The following TYW1B variants were observed in gnomAD, a reference collection of about 807,000 sequenced individuals.
The protein encoded by TYW1B is S-adenosyl-L-methionine-dependent tRNA 4-demethylwyosine synthase TYW1B.
TYW1B carries 73 observed loss-of-function variants against 86.9 expected under a neutral mutation model. The ratio of observed to expected loss-of-function variants is 0.84; its 90% CI spans 0.70 to 1.02. The LOEUF is 1.02. Ranked by LOEUF, TYW1B falls within the 50% of genes least tolerant of loss-of-function variation. TYW1B has a pLI of 0.00. For synonymous variants in TYW1B, 248 were observed against 292.8 expected, an observed-to-expected ratio of 0.85 and a Z score of 1.56; for missense variants, 637 against 827.4, an observed-to-expected ratio of 0.77 and a Z score of 2.82.
At chr7:72,668,165 C>G (rs1337810596) in intron 11 of TYW1B, among the ~76,000 whole-genome samples, 1 of 152,150 alleles carries the variant, frequency 6.6e-6, no homozygotes, top group Non-Finnish European at 1.5e-5. Context: ...AGATAAAATA[C>G]AAATTGTTTT....
intron 13 of TYW1B, among the ~76,000 whole-genome samples, chr7:72,611,253 C>G (rs1240655529): frequency 6.6e-6 from 1 of 152,140 alleles, no homozygotes; most frequent in African/African-American, 2.4e-5. Flanking sequence ...GATTACACTT[C>G]TCAGCACTTT....
In TYW1B at chr7:72,817,636, T is replaced by C. The variant is rs115255586; in HGVS notation, c.136-2155A>G. Among the ~76,000 whole-genome samples, 631 of 152,016 alleles carry C rather than the reference T, an allele frequency of 4.2e-3. 5 individuals carry two copies. Among genetic ancestry groups the C allele is most frequent in the African/African-American group, 0.015 (603 of 41,442 alleles). On this transcript the variant is annotated intron_variant, in intron 2 of 13. Coordinates refer to ENST00000620995, the MANE Select transcript of TYW1B (RefSeq NM_001145440.3). ...AGGAGTTGTCCAGGTTCTTCACATG[T>C]TGAACAAAGAATTGAAAAAAATGCA...
chr7:72,762,863 T>C (rs1175597955), intron 7 of TYW1B, among the ~76,000 whole-genome samples: 1 of 152,158 alleles, frequency 6.6e-6, no homozygotes, highest in African/African-American at 2.4e-5. Context: ...TTTCACCATG[T>C]CGGCCAGGCT....
chr7:72,708,868 T>C (rs1814675577), intron 10 of TYW1B, among the ~76,000 whole-genome samples: 1 of 152,152 alleles, frequency 6.6e-6, no homozygotes, highest in Non-Finnish European at 1.5e-5. Flanking sequence ...TAGCCCAGAG[T>C]GTTTGAAACT....
chr7:72,575,991 C>T (rs1261669093), intron 13 of TYW1B, among the ~76,000 whole-genome samples: 1 of 152,168 alleles, frequency 6.6e-6, no homozygotes, highest in East Asian at 1.9e-4. Flanking sequence ...CAAGCAGTCC[C>T]GCTGACACAG....
intron 7 of TYW1B, among the ~76,000 whole-genome samples, chr7:72,751,040 CCT>C (rs1787490727): frequency 1.2e-5 from 1 of 84,480 alleles, no homozygotes; most frequent in Non-Finnish European, 2.9e-5. Flanking sequence ...GGGTAAATTC[CCT>C]TTTTTTTTTT....
At chr7:72,599,320 T>C (rs1415202546) in intron 13 of TYW1B, among the ~76,000 whole-genome samples, 1 of 152,166 alleles carries the variant, frequency 6.6e-6, no homozygotes, top group Non-Finnish European at 1.5e-5. Context: ...AGAAAATCAA[T>C]TTGACAAAAT....
intron 10 of TYW1B, among the ~76,000 whole-genome samples, chr7:72,706,510 G>GAAACACAC (rs1814620224): frequency 6.7e-6 from 1 of 150,182 alleles, no homozygotes; most frequent in Non-Finnish European, 1.5e-5. Flanking sequence ...GACTGCATAT[G>GAAACACAC]AAACACACAA....
intron 9 of TYW1B, among the ~76,000 whole-genome samples, chr7:72,719,633 A>AG (rs1786857632): frequency 1.4e-5 from 2 of 144,386 alleles, no homozygotes; most frequent in Non-Finnish European, 3.0e-5. Context: ...TCCGTCTCCA[A>AG]AAAAAAAAAA....
intron 11 of TYW1B, among the ~76,000 whole-genome samples, chr7:72,688,797 C>T (rs1180494343): frequency 2.0e-5 from 3 of 152,164 alleles, no homozygotes; most frequent in Non-Finnish European, 2.9e-5. Context: ...TGCCTCAACA[C>T]GAACTTAAGA....
intron 13 of TYW1B, among the ~76,000 whole-genome samples, chr7:72,593,164 T>G (rs1242799100): frequency 6.6e-6 from 1 of 151,880 alleles, no homozygotes; most frequent in Non-Finnish European, 1.5e-5. Flanking sequence ...TGGTGGCACA[T>G]GCCTGTAATC....
At chr7:72,681,226 C>G (rs1365391260) in intron 11 of TYW1B, among the ~76,000 whole-genome samples, 1 of 152,202 alleles carries the variant, frequency 6.6e-6, no homozygotes, top group South Asian at 2.1e-4. Flanking sequence ...AAGAGGAGAT[C>G]GGATAAATGC....
intron 10 of TYW1B, among the ~76,000 whole-genome samples, chr7:72,701,064 A>AAACG (rs1814458171): frequency 6.7e-6 from 1 of 149,422 alleles, no homozygotes. Flanking sequence ...ATTCCATCTC[A>AAACG]GAAAAAAAAA....
chr7:72,756,651 T>A (rs1253758635), intron 7 of TYW1B, among the ~76,000 whole-genome samples: 1 of 152,114 alleles, frequency 6.6e-6, no homozygotes, highest in Non-Finnish European at 1.5e-5. Flanking sequence ...TGGAGGTGCT[T>A]CGTCACCAGG....
At chr7:72,588,075 T>C (rs1231037829) in intron 13 of TYW1B, among the ~76,000 whole-genome samples, 1 of 152,210 alleles carries the variant, frequency 6.6e-6, no homozygotes, top group Non-Finnish European at 1.5e-5. Flanking sequence ...AGACTTGTGA[T>C]TGCCTGCAAT....
intron 9 of TYW1B, among the ~76,000 whole-genome samples, chr7:72,723,541 A>G (rs1323180972): frequency 6.6e-6 from 1 of 152,156 alleles, no homozygotes; most frequent in East Asian, 1.9e-4. Context: ...CTGAGGCTGA[A>G]GGATTGCTTG....
intron 6 of TYW1B, among the ~76,000 whole-genome samples, chr7:72,800,326 C>A (rs1169861110): frequency 6.6e-6 from 1 of 151,942 alleles, no homozygotes; most frequent in Non-Finnish European, 1.5e-5. Flanking sequence ...GCCTCCCAAG[C>A]AGTTGTGACT....
intron 13 of TYW1B, among the ~76,000 whole-genome samples, chr7:72,576,509 C>CTTTTT (rs11334473): frequency 5.8e-5 from 7 of 120,096 alleles, no homozygotes; most frequent in African/African-American, 1.3e-4. Context: ...ATGCCACTGT[C>CTTTTT]TTTTTTTTTT....
intron 11 of TYW1B, among the ~76,000 whole-genome samples, chr7:72,693,295 G>T (rs538027513): frequency 2.0e-5 from 3 of 151,996 alleles, no homozygotes; most frequent in African/African-American, 7.2e-5. Flanking sequence ...CCAAATGTTT[G>T]CAGAAAATGA....
Sources: gnomAD v4.1 joint callset for allele counts (sites outside exome capture counted in the v4.1 genomes callset) on GRCh38, gnomAD v4.1.1 for gene constraint, MANE v1.5 for transcripts, NCBI Gene and HGNC (gene_info 2026-07-23, HGNC 2026-07-21) for gene names.